The following SLC38A9 variants were observed in gnomAD, a reference collection of about 807,000 sequenced individuals.
The protein encoded by SLC38A9 is neutral amino acid transporter 9.
In SLC38A9, 48 loss-of-function variants were observed where a neutral mutation model predicts 62.3. The observed-to-expected ratio is 0.77, with a 90% CI of 0.61 to 0.98. The LOEUF is 0.98. SLC38A9 is among the 50% of genes least tolerant of loss of function. SLC38A9 has a pLI of 0.00. For synonymous variants in SLC38A9, 204 were observed against 227.7 expected (o/e 0.90, Z 0.94); for missense variants, 541 against 679.8 (o/e 0.80, Z 2.27).
chr5:55,683,940 C>G (rs1753395115), intron 3 of SLC38A9, among the ~76,000 whole-genome samples: 1 of 152,148 alleles, frequency 6.6e-6, no homozygotes, highest in Non-Finnish European at 1.5e-5. Context: ...ATTACAAACT[C>G]ATTTCCAAAA....
In SLC38A9 at chr5:55,627,933, A is replaced by C; in HGVS notation, c.1478T>G (p.Val493Gly). 1 of 1,613,014 alleles carries C rather than the reference A, an allele frequency of 6.2e-7. No individual in the cohort carries two copies. Among genetic ancestry groups the C allele is most frequent in the Non-Finnish European group, 8.5e-7 (1 of 1,179,268 alleles). Reference sequence around the variant, plus strand: ...GTTTGGGTAGAAACAGGCCATGATCACTCCAGCTCCCACAATAATTAGATT... The same window carrying C: ...GTTTGGGTAGAAACAGGCCATGATCCCTCCAGCTCCCACAATAATTAGATT... ...ILNLIIVGAGVIMACFYPNIG... is the reference protein window; with the variant it reads ...ILNLIIVGAGGIMACFYPNIG... The change falls in exon 15 of 16, where the codon GTG becomes GGG. Residue 493 changes from valine to glycine, a missense_variant. Transcript: ENST00000396865.
intron 2 of SLC38A9, among the ~76,000 whole-genome samples, chr5:55,704,618 G>C (rs926988131): frequency 3.3e-5 from 5 of 152,180 alleles, no homozygotes; most frequent in African/African-American, 9.7e-5. Context: ...AGAAATGCTA[G>C]AGAAAAATTT....
At chr5:55,637,318 G>A (rs571506893) in intron 12 of SLC38A9, among the ~76,000 whole-genome samples, 1 of 152,280 alleles carries the variant, frequency 6.6e-6, no homozygotes, top group East Asian at 1.9e-4. Flanking sequence ...AGGCTATGGT[G>A]CACAGCTTCC....
chr5:55,710,506 G>A (rs935558068), intron 2 of SLC38A9, among the ~76,000 whole-genome samples: 1 of 152,178 alleles, frequency 6.6e-6, no homozygotes, highest in Non-Finnish European at 1.5e-5. Flanking sequence ...ACCGCAATCC[G>A]CCGAACCTTC....
At chr5:55,683,145 A>G (rs1267326739) in intron 3 of SLC38A9, among the ~76,000 whole-genome samples, 2 of 152,224 alleles carry the variant, frequency 1.3e-5, no homozygotes, top group African/African-American at 4.8e-5. Context: ...TACATATACT[A>G]TGTGATCTCA....
At chr5:55,660,444 C>A (rs1749328112) in intron 8 of SLC38A9, among the ~76,000 whole-genome samples, 1 of 150,628 alleles carries the variant, frequency 6.6e-6, no homozygotes, top group Non-Finnish European at 1.5e-5. Flanking sequence ...TAATTAGGTT[C>A]TTTTATAACA....
In SLC38A9 at chr5:55,664,813, A is replaced by G. The variant is rs773984347; in HGVS notation, c.577T>C (p.Phe193Leu). 1 of 1,588,196 alleles carries G rather than the reference A, an allele frequency of 6.3e-7. No homozygotes were observed. Among genetic ancestry groups the G allele is most frequent in the Non-Finnish European group, 8.6e-7 (1 of 1,168,592 alleles). The part of the protein sequence containing the change: ...WEYPDVCRHY[F>L]GSFGQWSSLL... ...CTCGACCACTGCCCAAAGGAGCCGA[A>G]ATAATGTCTGCAGACATCTGGATAT... The change falls in exon 8 of 16, where the codon TTC (phenylalanine) becomes CTC (leucine). Residue 193 changes from phenylalanine (F) to leucine (L), a missense_variant. Transcript: ENST00000396865.
intron 3 of SLC38A9, among the ~76,000 whole-genome samples, chr5:55,682,078 C>T (rs563593725): frequency 8.1e-4 from 123 of 151,946 alleles, no homozygotes; most frequent in Admixed American, 3.8e-3. Context: ...TCCTCCTTGA[C>T]GGGCAAAGGA....
At chr5:55,682,248 A>C (rs1364826877) in intron 3 of SLC38A9, among the ~76,000 whole-genome samples, 1 of 152,206 alleles carries the variant, frequency 6.6e-6, no homozygotes, top group African/African-American at 2.4e-5. Context: ...ATTTAAAAAC[A>C]AAAGCCAAAC....
At chr5:55,636,099 T>C (rs1744356455) in intron 12 of SLC38A9, among the ~76,000 whole-genome samples, 1 of 152,198 alleles carries the variant, frequency 6.6e-6, no homozygotes, top group Non-Finnish European at 1.5e-5. Flanking sequence ...ACTTATATTA[T>C]TAAAACATGC....
At chr5:55,632,725 G>A (rs1298555014) in intron 14 of SLC38A9, among the ~76,000 whole-genome samples, 1 of 152,176 alleles carries the variant, frequency 6.6e-6, no homozygotes, top group South Asian at 2.1e-4. Flanking sequence ...TAGCCATAAA[G>A]AAATGATCTG....
chr5:55,633,009 C>CTT (rs138036147), intron 14 of SLC38A9, among the ~76,000 whole-genome samples: 1 of 147,284 alleles, frequency 6.8e-6, no homozygotes, highest in African/African-American at 2.5e-5. Flanking sequence ...GCCTTTTCTC[C>CTT]TTTTTTTTTT....
intron 11 of SLC38A9, 46 bp downstream of exon 11, chr5:55,649,156 CAATGG>C: frequency 1.0e-6 from 1 of 994,450 alleles, no homozygotes; most frequent in Non-Finnish European, 1.4e-6. Flanking sequence ...TAGCATATGA[CAATGG>C]TTAAGATCAC....
At chr5:55,695,013 A>G (rs1755284764) in intron 3 of SLC38A9, among the ~76,000 whole-genome samples, 1 of 152,142 alleles carries the variant, frequency 6.6e-6, no homozygotes, top group Non-Finnish European at 1.5e-5. Context: ...TCAGCCTCCC[A>G]AAGTGTTGGG....
intron 8 of SLC38A9, chr5:55,657,971 G>A (rs1748752169): frequency 6.6e-6 from 1 of 152,156 alleles, no homozygotes; most frequent in Non-Finnish European, 1.5e-5. Context: ...AAGACTTACA[G>A]TAAGGCTAGT....
At chr5:55,639,700 A>C (rs1317763392) in intron 12 of SLC38A9, among the ~76,000 whole-genome samples, 5 of 152,156 alleles carry the variant, frequency 3.3e-5, no homozygotes, top group African/African-American at 4.8e-5. Flanking sequence ...GAAATGACAA[A>C]AAGTTTTTCT....
rs1324073855 is a variant in SLC38A9, at chr5:55,672,649, T to C, written c.160A>G (p.Ile54Val). Residue 54 changes from isoleucine to valine, a missense_variant, in exon 4 of 16, where the codon ATT (isoleucine) becomes GTT (valine). By Grantham distance (29) the Ile-to-Val change is conservative. Transcript: ENST00000396865. ...GAGGCATGGTCACTAACCCTCTGAA[T>C]GACATGATTCACATTCACGATGTTT... Reference protein sequence around the residue: ...PTNIVNVNHVIQRVSDHASAM... With the variant: ...PTNIVNVNHVVQRVSDHASAM... 1 of 1,614,136 alleles carries C rather than the reference T, an allele frequency of 6.2e-7. No individual in the cohort carries two copies. The highest frequency in any genetic ancestry group is 2.2e-5 in the East Asian group (1 of 44,884).
intron 2 of SLC38A9, among the ~76,000 whole-genome samples, chr5:55,698,926 T>A (rs1310069176): frequency 2.7e-5 from 4 of 146,076 alleles, no homozygotes; most frequent in Non-Finnish European, 4.5e-5. Context: ...GATGATGGAG[T>A]GAGACCCTGT....
intron 8 of SLC38A9, among the ~76,000 whole-genome samples, chr5:55,660,394 T>G (rs1749318493): frequency 6.6e-6 from 1 of 152,106 alleles, no homozygotes; most frequent in Admixed American, 6.5e-5. Flanking sequence ...AGAGCCTGGG[T>G]GAAAGAGTGA....
Sources: gnomAD v4.1 joint callset for allele counts (sites outside exome capture counted in the v4.1 genomes callset) on GRCh38, gnomAD v4.1.1 for gene constraint, MANE v1.5 for transcripts, NCBI Gene and HGNC (gene_info 2026-07-23, HGNC 2026-07-21) for gene names.